The following PTPRM variants were observed in gnomAD, a reference collection of about 807,000 sequenced individuals.
PTPRM encodes receptor-type tyrosine-protein phosphatase mu.
A neutral mutation model predicts 186.7 loss-of-function variants in PTPRM; 47 were observed. The observed-to-expected ratio is 0.25, with a 90% CI of 0.20 to 0.32. The LOEUF (loss-of-function observed/expected upper bound fraction) is 0.32, where lower values mean the gene tolerates loss of function less well. PTPRM is among the 10% of genes least tolerant of loss of function. The probability of loss-of-function intolerance (pLI) is 1.00; values close to 1 mark genes in which losing one functional copy is unlikely to be tolerated. For missense variants in PTPRM, 1,494 were observed against 1,865.0 expected, an observed-to-expected ratio of 0.80 and a Z score of 3.66; for synonymous variants, 668 against 674.9, an observed-to-expected ratio of 0.99 and a Z score of 0.16.
At chr18:8,346,659 G>A (rs1460334972) in intron 23 of PTPRM, among the ~76,000 whole-genome samples, 1 of 152,190 alleles carries the variant, frequency 6.6e-6, no homozygotes, top group Non-Finnish European at 1.5e-5. Context: ...GGAGGTTAGA[G>A]AAGTTCCTGC....
At chr18:7,665,876 C>T (rs1242538290) in intron 1 of PTPRM, among the ~76,000 whole-genome samples, 3 of 151,736 alleles carry the variant, frequency 2.0e-5, no homozygotes, top group Non-Finnish European at 2.9e-5. Flanking sequence ...GAGTTGGGAT[C>T]GCGCCACTGC....
chr18:8,191,752 T>C (rs781430364), intron 14 of PTPRM, among the ~76,000 whole-genome samples: 6 of 152,180 alleles, frequency 3.9e-5, no homozygotes, highest in African/African-American at 7.2e-5. Context: ...AGGAGACTCC[T>C]CTGACTACAT....
At chr18:8,252,335 G>A (rs2094535421) in intron 17 of PTPRM, among the ~76,000 whole-genome samples, 153 bp from the exon 18 acceptor site, 1 of 152,238 alleles carries the variant, frequency 6.6e-6, no homozygotes, top group Non-Finnish European at 1.5e-5. Flanking sequence ...AAGAATTGAG[G>A]CTTCGCCCTC....
intron 2 of PTPRM, among the ~76,000 whole-genome samples, chr18:7,828,927 G>T (rs2045626030): frequency 6.6e-6 from 1 of 152,162 alleles, no homozygotes. Context: ...TTGCAATAAA[G>T]AACTCCTTTT....
chr18:8,275,128 G>T (rs1293604467), intron 19 of PTPRM, among the ~76,000 whole-genome samples: 1 of 152,096 alleles, frequency 6.6e-6, no homozygotes, highest in Non-Finnish European at 1.5e-5. Context: ...TTATAAGGAG[G>T]CTAAAAATGG....
Position 7,982,225 on chromosome 18 carries a change from A to C in PTPRM, c.1132+26811A>C, listed in dbSNP as rs552421364. Among the ~76,000 whole-genome samples, 20 of 152,100 alleles carry C rather than the reference A, an allele frequency of 1.3e-4. No homozygotes were observed. The South Asian group carries it at 4.2e-3, about 32-fold the overall frequency. On this transcript the variant is annotated intron_variant, in intron 7 of 32. Transcript: ENST00000580170. Reference sequence around the variant, plus strand: ...ATACAAACACATTGTACAACTGTACAAAATATTTTCTTTTTTATATTCTTA... The same window carrying C: ...ATACAAACACATTGTACAACTGTACCAAATATTTTCTTTTTTATATTCTTA...
intron 13 of PTPRM, among the ~76,000 whole-genome samples, chr18:8,135,511 C>T (rs1449648789): frequency 6.6e-6 from 1 of 152,150 alleles, no homozygotes; most frequent in Non-Finnish European, 1.5e-5. Context: ...GGAACCCAGC[C>T]ATCTGCATGT....
At chr18:8,182,250 G>A (rs186785988) in intron 14 of PTPRM, among the ~76,000 whole-genome samples, 71 of 152,098 alleles carry the variant, frequency 4.7e-4, no homozygotes, top group Non-Finnish European at 8.2e-4. Context: ...GGGTACGTGT[G>A]CAGGTTTGTT....
intron 13 of PTPRM, among the ~76,000 whole-genome samples, chr18:8,128,824 A>G (rs1332012968): frequency 6.6e-6 from 1 of 152,174 alleles, no homozygotes; most frequent in African/African-American, 2.4e-5. Flanking sequence ...AAGAATTTCT[A>G]TGTAAAAGAT....
intron 22 of PTPRM, among the ~76,000 whole-genome samples, chr18:8,325,355 C>G (rs1362339848): frequency 3.9e-5 from 6 of 152,172 alleles, no homozygotes; most frequent in Admixed American, 2.0e-4. Flanking sequence ...CTGTTGCTGC[C>G]TCCTTTGTGC....
chr18:8,046,346 G>A (rs1470832099), intron 7 of PTPRM, among the ~76,000 whole-genome samples: 1 of 152,222 alleles, frequency 6.6e-6, no homozygotes, highest in East Asian at 1.9e-4. Flanking sequence ...TCTAAAATCA[G>A]TAGGTATATG....
chr18:8,125,017 C>T (rs562174797), intron 13 of PTPRM, among the ~76,000 whole-genome samples: 2 of 152,044 alleles, frequency 1.3e-5, no homozygotes, highest in South Asian at 4.2e-4. Context: ...GGTGGGCCCT[C>T]CCCTACTTGT....
chr18:8,330,077 A>G (rs1455315910), intron 22 of PTPRM, among the ~76,000 whole-genome samples: 2 of 152,196 alleles, frequency 1.3e-5, no homozygotes, highest in African/African-American at 4.8e-5. Context: ...TGCTGGGATT[A>G]CAGGCATGAG....
rs547851981 is a variant in PTPRM at position 8,009,694 on chromosome 18, C to A, written c.1132+54280C>A. ...CTGCACTCCAGCCTGGGGGACAGAG[C>A]AAGACTCTATCTCAAAAAAATAAAT... On this transcript the variant is annotated intron_variant, in intron 7 of 32. Coordinates refer to ENST00000580170, the MANE Select transcript of PTPRM (RefSeq NM_001105244.2). Among the ~76,000 whole-genome samples the A allele has an allele frequency of 5.3e-5, 8 of 152,104 alleles. No individual in the cohort carries two copies. The East Asian group carries it at 1.5e-3, about 29-fold the overall frequency.
chr18:8,153,665 A>G (rs887980660), intron 14 of PTPRM, among the ~76,000 whole-genome samples: 2 of 152,206 alleles, frequency 1.3e-5, no homozygotes, highest in East Asian at 1.9e-4. Context: ...AATTCTTAAA[A>G]CGTCTAATTG....
At chr18:8,013,050 G>T (rs2084638301) in intron 7 of PTPRM, among the ~76,000 whole-genome samples, 1 of 151,228 alleles carries the variant, frequency 6.6e-6, no homozygotes, top group Non-Finnish European at 1.5e-5. Flanking sequence ...GGGGAAGATG[G>T]AGGAGGACTT....
intron 1 of PTPRM, among the ~76,000 whole-genome samples, chr18:7,677,521 C>T (rs607891): frequency 0.052 from 7,935 of 152,150 alleles, 688 homozygotes; most frequent in African/African-American, 0.18. Flanking sequence ...CCTTAGAAGG[C>T]CCTTACTTCT....
At chr18:8,241,057 G>A (rs2094430036) in intron 14 of PTPRM, among the ~76,000 whole-genome samples, 1 of 152,224 alleles carries the variant, frequency 6.6e-6, no homozygotes, top group East Asian at 1.9e-4. Context: ...GCCAGGCGCA[G>A]TGGCTCATGC....
At chr18:8,302,017 A>G (rs1568700198) in intron 20 of PTPRM, among the ~76,000 whole-genome samples, 1 of 152,188 alleles carries the variant, frequency 6.6e-6, no homozygotes, top group Non-Finnish European at 1.5e-5. Flanking sequence ...TGGGAGATGC[A>G]GGGACTCTGG....
Sources: gnomAD v4.1 joint callset for allele counts (sites outside exome capture counted in the v4.1 genomes callset) on GRCh38, gnomAD v4.1.1 for gene constraint, MANE v1.5 for transcripts, NCBI Gene and HGNC (gene_info 2026-07-23, HGNC 2026-07-21) for gene names.